SCUBE1: variants seen among roughly 807,000 people sequenced by gnomAD.
SCUBE1 encodes signal peptide, CUB and EGF-like domain-containing protein 1.
SCUBE1 carries 59 observed loss-of-function variants against 124.4 expected under a neutral mutation model. The observed-to-expected ratio is 0.47, with a 90% CI of 0.38 to 0.59. SCUBE1 has a LOEUF of 0.59. SCUBE1 is among the 20% of genes least tolerant of loss of function. SCUBE1 has a pLI of 0.00. For synonymous variants in SCUBE1, 545 were observed against 550.9 expected (o/e 0.99, Z 0.15); for missense variants, 1,150 against 1,371.2 (o/e 0.84, Z 2.55).
Position 43,222,668 on chromosome 22 carries a change from T to A in SCUBE1, c.1402A>T (p.Thr468Ser). ...CAGCTGGGCCCGAGGCCAGAGCTGGTGCCGTTGCGTTTCTGCAGCGCCTTG... is the reference window on the plus strand; with the variant it reads ...CAGCTGGGCCCGAGGCCAGAGCTGGAGCCGTTGCGTTTCTGCAGCGCCTTG... ...QGKALQKRNGTSSGLGPSCSD... is the reference protein window; with the variant it reads ...QGKALQKRNGSSSGLGPSCSD... Residue 468 changes from threonine to serine, a missense_variant, in exon 12 of 22, where the codon ACC (threonine) becomes TCC (serine). Physicochemically the swap from Thr to Ser is moderately conservative, Grantham distance 58 (BLOSUM62 1). Transcript: ENST00000360835. 6.2e-7 allele frequency: 1 copy of A among 1,601,224 alleles called. No homozygotes were observed. The highest frequency in any genetic ancestry group is 8.5e-7 in the Non-Finnish European group (1 of 1,174,800).
intron 3 of SCUBE1, among the ~76,000 whole-genome samples, chr22:43,292,853 G>T (rs1925417818): frequency 6.6e-6 from 1 of 152,220 alleles, no homozygotes; most frequent in African/African-American, 2.4e-5. Flanking sequence ...TCAGCCGTGT[G>T]GGCAGTCAGA....
At chr22:43,329,690 C>G (rs1020096473) in intron 2 of SCUBE1, among the ~76,000 whole-genome samples, 1 of 152,168 alleles carries the variant, frequency 6.6e-6, no homozygotes, top group Non-Finnish European at 1.5e-5. Flanking sequence ...TCTTTCTAGC[C>G]AGAGGCTGCA....
chr22:43,252,055 T>A (rs1275273560), intron 6 of SCUBE1, among the ~76,000 whole-genome samples: 1 of 152,244 alleles, frequency 6.6e-6, no homozygotes, highest in Non-Finnish European at 1.5e-5. Context: ...CAATTTTAAC[T>A]GATTGTAATG....
chr22:43,310,247 C>T (rs1926122803), intron 3 of SCUBE1, among the ~76,000 whole-genome samples: 2 of 152,010 alleles, frequency 1.3e-5, no homozygotes, highest in Non-Finnish European at 2.9e-5. Flanking sequence ...GGACAGAGGA[C>T]CTTCCCTAGA....
chr22:43,322,111 A>G (rs1180847966), intron 2 of SCUBE1, among the ~76,000 whole-genome samples: 1 of 152,044 alleles, frequency 6.6e-6, no homozygotes, highest in Non-Finnish European at 1.5e-5. Flanking sequence ...CAGCCTCCCA[A>G]GTAGCTGGAC....
At chr22:43,339,332 C>A (rs1927191031) in intron 1 of SCUBE1, 97 bp from the exon 2 acceptor site, 6 of 1,252,176 alleles carry the variant, frequency 4.8e-6, no homozygotes, top group Non-Finnish European at 6.7e-6. Context: ...CTTTGCCCGT[C>A]CATTGATCGG....
chr22:43,248,093 G>A (rs2146695513), intron 6 of SCUBE1, among the ~76,000 whole-genome samples: 1 of 152,364 alleles, frequency 6.6e-6, no homozygotes, highest in Middle Eastern at 3.4e-3. Flanking sequence ...GGTGGGGCTG[G>A]GAGACAGGGA....
At chr22:43,282,500 C>G (rs1177864787) in intron 4 of SCUBE1, 1 of 152,198 alleles carries the variant, frequency 6.6e-6, no homozygotes, top group Non-Finnish European at 1.5e-5. Flanking sequence ...CCACCAAGGT[C>G]TGGGCCCAGA....
At chr22:43,323,153 A>C (rs1057466790) in intron 2 of SCUBE1, among the ~76,000 whole-genome samples, 3 of 152,194 alleles carry the variant, frequency 2.0e-5, no homozygotes, top group Admixed American at 1.3e-4. Flanking sequence ...TATACAGTGT[A>C]CTGAGAAAGT....
intron 3 of SCUBE1, among the ~76,000 whole-genome samples, chr22:43,308,231 C>T (rs995146719): frequency 9.9e-5 from 15 of 152,136 alleles, no homozygotes; most frequent in Admixed American, 6.6e-5. Context: ...CTGTAGAAGG[C>T]GGAGAGGAGA....
At chr22:43,286,553 C>T (rs1295485631) in intron 4 of SCUBE1, among the ~76,000 whole-genome samples, 3 of 152,234 alleles carry the variant, frequency 2.0e-5, no homozygotes, top group African/African-American at 7.2e-5. Flanking sequence ...CTCGGAATAG[C>T]AACAGTTCAC....
At chr22:43,253,381 G>A (rs554597843) in intron 6 of SCUBE1, among the ~76,000 whole-genome samples, 1 of 152,198 alleles carries the variant, frequency 6.6e-6, no homozygotes, top group African/African-American at 2.4e-5. Context: ...CCTAGTTCAG[G>A]GGGTGAGGCC....
chr22:43,217,105 AAC>A (rs1491428157), intron 15 of SCUBE1, among the ~76,000 whole-genome samples: 2 of 23,192 alleles, frequency 8.6e-5, no homozygotes, highest in Non-Finnish European at 6.7e-5. Context: ...AGCTTCCCCC[AAC>A]CCCCACCCCC....
chr22:43,230,827 G>C (rs1299431249), intron 8 of SCUBE1, among the ~76,000 whole-genome samples: 2 of 152,176 alleles, frequency 1.3e-5, no homozygotes, highest in Non-Finnish European at 2.9e-5. Context: ...CAGGGACCTT[G>C]TGGGAGAACA....
rs992746663 is a variant in SCUBE1 at position 43,197,528 on chromosome 22, G to A, written c.*6469C>T. On this transcript the variant is annotated 3_prime_UTR_variant, in exon 22 of 22. Coordinates refer to ENST00000360835, the MANE Select transcript of SCUBE1 (RefSeq NM_173050.5). ...AGCGCCCTGGTGTCCTGTTCCCCGA[G>A]CAATGTGGCCTGCGTCTGCTCGGCA... is the stretch of plus-strand genomic sequence containing the variant. 2 of 152,284 alleles carry A rather than the reference G, an allele frequency of 1.3e-5. No individual in the cohort carries two copies. Among genetic ancestry groups the A allele is most frequent in the African/African-American group, 4.8e-5 (2 of 41,454 alleles). 9.4% of individuals were successfully genotyped at this position (152,284 alleles called of 1,614,324 possible). A position where few individuals can be genotyped will look rare whatever the true frequency, so the allele number is the denominator to read the frequency against.
At chr22:43,299,310 C>T (rs1057292883) in intron 3 of SCUBE1, among the ~76,000 whole-genome samples, 41 of 152,218 alleles carry the variant, frequency 2.7e-4, no homozygotes, top group African/African-American at 6.3e-4. Flanking sequence ...ATCACGGGTA[C>T]GAACGTACTC....
At position 43,249,385 on chromosome 22, in the gene SCUBE1, T is replaced by C. The variant is rs570572268; in HGVS notation, c.727+8834A>G. Among the ~76,000 whole-genome samples, 7 of 152,166 alleles carry C rather than the reference T, an allele frequency of 4.6e-5. No individual in the cohort carries two copies. The East Asian group carries it at 5.8e-4, about 13-fold the overall frequency. ...AGAAGCAGGAATGCACATGTCCCGA[T>C]GAGAAGTGACATTGGCCATGCCGCT... is the stretch of plus-strand genomic sequence containing the variant. On this transcript the variant is annotated intron_variant, in intron 6 of 21. Coordinates refer to ENST00000360835, the MANE Select transcript of SCUBE1 (RefSeq NM_173050.5).
chr22:43,224,061 C>T (rs1030031847), intron 10 of SCUBE1, among the ~76,000 whole-genome samples: 4 of 152,386 alleles, frequency 2.6e-5, no homozygotes, highest in Middle Eastern at 3.4e-3. Flanking sequence ...CTTACTTAAG[C>T]GACAGCTCAG....
chr22:43,269,120 G>A (rs965819099), intron 4 of SCUBE1, among the ~76,000 whole-genome samples: 12 of 152,284 alleles, frequency 7.9e-5, no homozygotes, highest in African/African-American at 2.6e-4. Flanking sequence ...CAGGCAAGCA[G>A]ACGGAGGTTG....
Sources: allele counts gnomAD v4.1 joint callset (sites outside exome capture counted in the v4.1 genomes callset), GRCh38; gene constraint gnomAD v4.1.1; transcripts MANE v1.5; gene names NCBI Gene and HGNC (gene_info 2026-07-23, HGNC 2026-07-21).